Variants in ZDHHC23 observed in about 807,000 individuals in gnomAD.
ZDHHC23 encodes the protein zDHHC palmitoyltransferase 23.
In ZDHHC23, 41 loss-of-function variants were observed where a neutral mutation model predicts 40.2. That is an observed-to-expected ratio of 1.02 (90% CI 0.79 to 1.32). The LOEUF (loss-of-function observed/expected upper bound fraction) is 1.32. ZDHHC23 is among the 40% of genes most tolerant of loss of function. The pLI, the probability that ZDHHC23 is intolerant of heterozygous loss-of-function variation, is 0.00. For missense variants in ZDHHC23, 471 were observed against 541.5 expected (o/e 0.87, Z 1.29); for synonymous variants, 204 against 210.2 (o/e 0.97, Z 0.26).
rs1282897507 is a variant in ZDHHC23 at position 113,960,293 on chromosome 3, GGTTT to G, written c.*1668_*1671del. 3 of 1,022,830 alleles carry G rather than the reference GGTTT, an allele frequency of 2.9e-6. No homozygotes were observed. Among genetic ancestry groups the G allele is most frequent in the African/African-American group, 1.7e-5 (1 of 57,692 alleles). The allele number at this position is 1,022,830 out of a possible 1,614,324, so 63.4% of individuals were successfully genotyped here. On this transcript the variant is annotated 3_prime_UTR_variant, in exon 5 of 5. Coordinates refer to ENST00000638807, the MANE Select transcript of ZDHHC23 (RefSeq NM_001320466.2). Reference sequence around the variant, plus strand: ...GGCTGTTGTCATTTTCCCCAGAGATGGTTTGTTTAACGAATGATAGGCTCTGTGC... The same window carrying G: ...GGCTGTTGTCATTTTCCCCAGAGATGGTTTAACGAATGATAGGCTCTGTGC...
chr3:113,971,940 T>C, the ZDHHC23 span, among the ~76,000 whole-genome samples: 3 of 152,134 alleles, frequency 2.0e-5, no homozygotes, highest in Non-Finnish European at 4.4e-5. Flanking sequence ...TATCCATTTC[T>C]TCTATGTTTT....
the ZDHHC23 span, chr3:113,978,907 T>A: frequency 5.0e-6 from 8 of 1,613,944 alleles, no homozygotes; most frequent in Non-Finnish European, 5.1e-6. Context: ...GGAATAAAAT[T>A]GATCAGCCTG....
At chr3:113,957,573 C>T (rs1157163057) in intron 4 of ZDHHC23, 3 of 411,114 alleles carry the variant, frequency 7.3e-6, no homozygotes, top group African/African-American at 4.1e-5. Context: ...CATTGCTTCT[C>T]ACCCTGCTCT....
At position 113,948,822 on chromosome 3, in the gene ZDHHC23, T is replaced by A. The variant is rs1402755163; in HGVS notation, c.20T>A (p.Met7Lys). The change falls in exon 2 of 5, where the codon ATG (methionine) becomes AAG (lysine). Residue 7 changes from methionine to lysine, a missense_variant. Around this residue, in one of 3 missense-constraint regions of ZDHHC23, gnomAD observed 83 missense variants for 67.8 expected, o/e 1.22. Transcript: ENST00000638807. ...CAAATCATGACACAGAAGGGCAGTA[T>A]GAAGCCTGTGAAGAAAAAGAAAACC... Reference protein sequence around the residue: MTQKGSMKPVKKKKTEE... With the variant: MTQKGSKKPVKKKKTEE... 6.2e-7 allele frequency: 1 copy of A among 1,614,160 alleles called. No individual in the cohort carries two copies.
rs1938953606 is a variant in ZDHHC23 at position 113,954,200 on chromosome 3, C to T, written c.662C>T (p.Thr221Ile). The change falls in exon 3 of 5, where the codon ACC becomes ATC. Residue 221 changes from threonine to isoleucine, a missense_variant. By Grantham distance (89) the Thr-to-Ile change is moderately conservative. Transcript: ENST00000638807. ...CTGAGCAGAAAAGGGCAGGAGAAGA[C>T]CAAAGGGTTCCCTGGGGCAGACATG... ...ECLSRKGQEK[T>I]KGFPGADMSG... 6.2e-7 allele frequency: 1 copy of T among 1,614,042 alleles called. No homozygotes were observed. Among genetic ancestry groups the T allele is most frequent in the South Asian group, 1.1e-5 (1 of 91,086 alleles).
chr3:113,954,598 C>T (rs566770241), intron 3 of ZDHHC23, among the ~76,000 whole-genome samples, 188 bp downstream of exon 3: 2 of 151,972 alleles, frequency 1.3e-5, no homozygotes, highest in South Asian at 4.1e-4. Context: ...TTAGTTCCTT[C>T]AGTCATTTCC....
intron 2 of ZDHHC23, 21 bp from the exon 3 acceptor site, chr3:113,953,679 C>G (rs763138385): frequency 2.6e-5 from 42 of 1,593,026 alleles, no homozygotes; most frequent in Non-Finnish European, 3.5e-5. Flanking sequence ...AGTCCCTCCT[C>G]TTTGTGCTTT....
the ZDHHC23 span, among the ~76,000 whole-genome samples, chr3:113,970,856 C>T: frequency 4.2e-4 from 64 of 152,066 alleles, no homozygotes; most frequent in African/African-American, 5.8e-4. Flanking sequence ...CTGAGAATGA[C>T]GGTTTCCAGC....
chr3:113,970,814 G>A, the ZDHHC23 span, among the ~76,000 whole-genome samples: 3 of 151,882 alleles, frequency 2.0e-5, no homozygotes, highest in Non-Finnish European at 2.9e-5. Context: ...GAGAACATGC[G>A]GTGTTTGGGT....
Position 113,959,938 on chromosome 3 carries a change from G to A in ZDHHC23, c.*1308G>A. The A allele has an allele frequency of 1.0e-6, 1 of 995,492 alleles. No individual in the cohort carries two copies. Among genetic ancestry groups the A allele is most frequent in the Non-Finnish European group, 1.2e-6 (1 of 833,262 alleles). 61.7% of individuals were successfully genotyped at this position (995,492 alleles called of 1,614,324 possible). A position where few individuals can be genotyped will look rare whatever the true frequency, so the allele number is the denominator to read the frequency against. ...AATGTATAAAAGATTAAATATTTAT[G>A]TACAATGGGTTGTTCTACTATAGAA... On this transcript the variant is annotated 3_prime_UTR_variant, in exon 5 of 5. Coordinates refer to ENST00000638807, the MANE Select transcript of ZDHHC23 (RefSeq NM_001320466.2).
chr3:113,949,679 C>G (rs775076930), intron 2 of ZDHHC23, among the ~76,000 whole-genome samples: 1 of 152,156 alleles, frequency 6.6e-6, no homozygotes, highest in Non-Finnish European at 1.5e-5. Context: ...CAATGGAAGT[C>G]ATAATGTGGG....
chr3:113,954,227 C>G lies in ZDHHC23; in HGVS notation c.689C>G (p.Ser230Trp), dbSNP rs773281756. The change falls in exon 3 of 5, where the codon TCG becomes TGG. Residue 230 changes from serine (S) to tryptophan (W), a missense_variant. By Grantham distance (177) the Ser-to-Trp change is radical (BLOSUM62 -3). Around this residue, in one of 3 missense-constraint regions of ZDHHC23, gnomAD observed 346 missense variants for 399.8 expected, o/e 0.87. Transcript: ENST00000638807. ...AAAGGGTTCCCTGGGGCAGACATGT[C>G]GGGCAGTCTCAACAATCGCACAACA... Reference protein sequence around the residue: ...KTKGFPGADMSGSLNNRTTKD... With the variant: ...KTKGFPGADMWGSLNNRTTKD... 6.2e-7 allele frequency: 1 copy of G among 1,614,170 alleles called. No homozygotes were observed. The highest frequency in any genetic ancestry group is 1.7e-5 in the Admixed American group (1 of 60,018).
chr3:113,967,175 G>C (rs1254015910), downstream of ZDHHC23, among the ~76,000 whole-genome samples: 1 of 152,152 alleles, frequency 6.6e-6, no homozygotes, highest in Admixed American at 6.5e-5. Context: ...TATCCATTCA[G>C]TCCACCATTT....
chr3:113,960,876 A>AT lies in ZDHHC23; in HGVS notation c.*2247dup. ...GCTTAAACCTGTCAAAAGATGAGTG[A>AT]TCTTGTGTGGGAAAAGCCTTCCCAG... On this transcript the variant is annotated 3_prime_UTR_variant, in exon 5 of 5. Coordinates refer to ENST00000638807, the MANE Select transcript of ZDHHC23 (RefSeq NM_001320466.2). The AT allele has an allele frequency of 7.4e-7, 1 of 1,353,586 alleles. No homozygotes were observed. The highest frequency in any genetic ancestry group is 1.6e-5 in the South Asian group (1 of 62,586). 83.8% of individuals were successfully genotyped at this position (1,353,586 alleles called of 1,614,324 possible).
the ZDHHC23 span, chr3:113,978,653 G>A: frequency 2.4e-5 from 15 of 622,886 alleles, no homozygotes; most frequent in South Asian, 2.2e-4. Flanking sequence ...TACACACTCC[G>A]TGAAACAAAC....
chr3:113,963,568 C>T (rs1939841096), downstream of ZDHHC23, among the ~76,000 whole-genome samples: 1 of 116,322 alleles, frequency 8.6e-6, no homozygotes, highest in African/African-American at 3.3e-5. Flanking sequence ...GAAACTCCAT[C>T]TCTACCAAAA....
intron 4 of ZDHHC23, chr3:113,957,992 TC>T (rs1341567991): frequency 1.9e-5 from 7 of 360,350 alleles, no homozygotes; most frequent in African/African-American, 1.5e-4. Context: ...TTTATAGCAG[TC>T]CCTTGGTGCC....
At chr3:113,974,777 T>C in the ZDHHC23 span, among the ~76,000 whole-genome samples, 2 of 152,206 alleles carry the variant, frequency 1.3e-5, no homozygotes, top group Non-Finnish European at 2.9e-5. Context: ...TTTGTTCTCC[T>C]GCTATGTGGC....
Position 113,959,693 on chromosome 3 carries a change from T to C in ZDHHC23, c.*1063T>C. 1 of 1,126,446 alleles carries C rather than the reference T, an allele frequency of 8.9e-7. No homozygotes were observed. The highest frequency in any genetic ancestry group is 1.1e-6 in the Non-Finnish European group (1 of 892,810). 69.8% of individuals were successfully genotyped at this position (1,126,446 alleles called of 1,614,324 possible). On this transcript the variant is annotated 3_prime_UTR_variant, in exon 5 of 5. Transcript: ENST00000638807. ...AGCACTAAATTGTGAAAATCAGCCT[T>C]CTGGCATTCACATTATTCTGGTATG...
Sources: gnomAD v4.1 joint callset for allele counts (sites outside exome capture counted in the v4.1 genomes callset) on GRCh38, gnomAD v4.1.1 for gene constraint, gnomAD v4.1.1 regional missense constraint, MANE v1.5 for transcripts, NCBI Gene and HGNC (gene_info 2026-07-23, HGNC 2026-07-21) for gene names.